MYH16: variants seen among roughly 807,000 people sequenced by gnomAD.
MYH16 encodes putative uncharacterized protein MYH16.
chr7:99,285,286 A>G (rs1792262281), intron 26 of MYH16, 96 bp from the exon 9 acceptor site: 1 of 439,930 alleles, frequency 2.3e-6, no homozygotes. Context: ...TGGCTGTCAT[A>G]TTCTCACATC....
At chr7:99,248,948 G>A (rs1584340826) in intron 3 of MYH16, 1 of 152,636 alleles carries the variant, frequency 6.6e-6, no homozygotes, top group Non-Finnish European at 1.5e-5. Context: ...GTTTCTAAAT[G>A]TTCCTAATTA....
At chr7:99,243,837 T>TCATC (rs1206543404) in intron 2 of MYH16, among the ~76,000 whole-genome samples, 2 of 143,660 alleles carry the variant, frequency 1.4e-5, no homozygotes, top group Admixed American at 6.9e-5. Context: ...ATCCATTCGT[T>TCATC]CATCCATCCA....
chr7:99,294,184 A>G, intron 33 of MYH16, 34 bp downstream of exon 14: 1 of 445,268 alleles, frequency 2.2e-6, no homozygotes, highest in South Asian at 1.6e-5. Context: ...CTGCCTATTT[A>G]CCGGGGCAGA....
chr7:99,297,019 G>C, intron 34 of MYH16, 102 bp downstream of exon 15: 2 of 392,466 alleles, frequency 5.1e-6, no homozygotes, highest in South Asian at 3.7e-5. Context: ...CTGGCACATA[G>C]TAGGTGCTCA....
exon 40 of MYH16, chr7:99,304,599 C>A: frequency 6.5e-6 from 1 of 153,142 alleles, no homozygotes; most frequent in Non-Finnish European, 1.5e-5. Context: ...GCCCGCATGG[C>A]AGAAGAACTC....
chr7:99,275,717 CA>C (rs1344401450), intron 20 of MYH16, among the ~76,000 whole-genome samples: 1 of 152,168 alleles, frequency 6.6e-6, no homozygotes, highest in Non-Finnish European at 1.5e-5. Flanking sequence ...CCTGACAGAA[CA>C]AGGTCCTGTT....
intron 28 of MYH16, among the ~76,000 whole-genome samples, chr7:99,287,616 C>T (rs1315405050): frequency 6.7e-6 from 1 of 149,330 alleles, no homozygotes; most frequent in African/African-American, 2.5e-5. Flanking sequence ...CTGGCTCCAT[C>T]TACAAAGACA....
chr7:99,292,154 G>A (rs1234659637), intron 31 of MYH16, among the ~76,000 whole-genome samples, 158 bp from the exon 13 acceptor site: 2 of 152,234 alleles, frequency 1.3e-5, no homozygotes, highest in Non-Finnish European at 2.9e-5. Flanking sequence ...GAAGTCATAG[G>A]ATGAAAATTA....
intron 36 of MYH16, among the ~76,000 whole-genome samples, chr7:99,298,620 C>T (rs1025921392): frequency 6.6e-6 from 1 of 152,180 alleles, no homozygotes; most frequent in African/African-American, 2.4e-5. Context: ...TGTATATCTT[C>T]GGAGAAAAGT....
intron 2 of MYH16, among the ~76,000 whole-genome samples, chr7:99,245,289 G>A (rs985189926): frequency 6.6e-6 from 1 of 152,188 alleles, no homozygotes; most frequent in Non-Finnish European, 1.5e-5. Flanking sequence ...TCCCAGTTAT[G>A]CTAAGGAGGA....
intron 32 of MYH16, among the ~76,000 whole-genome samples, chr7:99,293,544 G>A (rs1792423467): frequency 6.6e-6 from 1 of 152,028 alleles, no homozygotes; most frequent in Non-Finnish European, 1.5e-5. Flanking sequence ...CACCCTCAGG[G>A]CCCCTCCATT....
chr7:99,277,467 C>T, intron 20 of MYH16, 72 bp from the exon 3 acceptor site: 1 of 406,198 alleles, frequency 2.5e-6, no homozygotes, highest in Non-Finnish European at 5.0e-6. Flanking sequence ...GAGGCAGAGA[C>T]TCCACAGCCC....
intron 2 of MYH16, among the ~76,000 whole-genome samples, chr7:99,246,802 G>A (rs1161241749): frequency 6.6e-6 from 1 of 151,978 alleles, no homozygotes; most frequent in East Asian, 1.9e-4. Flanking sequence ...GCAAGTGGAG[G>A]GACCTTCTGC....
At chr7:99,262,910 T>G (rs1791950875) in intron 13 of MYH16, among the ~76,000 whole-genome samples, 1 of 152,088 alleles carries the variant, frequency 6.6e-6, no homozygotes, top group Non-Finnish European at 1.5e-5. Context: ...TTCACGTAGC[T>G]CGGGATTCTA....
chr7:99,293,266 T>C (rs1164397378), intron 32 of MYH16, among the ~76,000 whole-genome samples: 1 of 152,238 alleles, frequency 6.6e-6, no homozygotes, highest in Admixed American at 6.5e-5. Context: ...ACATGTGCTC[T>C]AAGTGTTTCC....
intron 2 of MYH16, among the ~76,000 whole-genome samples, chr7:99,244,051 A>T (rs780267169): frequency 5.3e-5 from 8 of 152,020 alleles, no homozygotes; most frequent in Non-Finnish European, 1.5e-5. Context: ...ACATCGATCC[A>T]TACATATATA....
At position 99,288,744 on chromosome 7, in the gene MYH16, C is replaced by G. The variant is rs1792323905; in HGVS notation, n.3707-543C>G. Among the ~76,000 whole-genome samples the G allele has an allele frequency of 1.3e-5, 2 of 152,094 alleles. 1 individual carries two copies. Among genetic ancestry groups the G allele is most frequent in the Admixed American group, 1.3e-4 (2 of 15,272 alleles). ...ATAACCTGTGCTTCGATTTCTTCAT[C>G]TGTAACATGAAGATGATTGTCATAA... On this transcript the variant is annotated intron_variant and non_coding_transcript_variant, in intron 29 of 41. Transcript: ENST00000439784.
chr7:99,249,581 T>G (rs1199364524), intron 4 of MYH16, among the ~76,000 whole-genome samples: 5,240 of 137,370 alleles, frequency 0.038, 230 homozygotes, highest in African/African-American at 0.11. Context: ...TGTTTTTTTT[T>G]TTTTTTTTTT....
At chr7:99,275,813 C>T (rs1463485782) in intron 20 of MYH16, among the ~76,000 whole-genome samples, 1 of 152,218 alleles carries the variant, frequency 6.6e-6, no homozygotes, top group Admixed American at 6.5e-5. Flanking sequence ...CTCACTGCAA[C>T]CTCCGCCTCC....
Sources: gnomAD v4.1 joint callset for allele counts (sites outside exome capture counted in the v4.1 genomes callset) on GRCh38, gnomAD v4.1.1 for gene constraint, MANE v1.5 for transcripts, NCBI Gene and HGNC (gene_info 2026-07-23, HGNC 2026-07-21) for gene names.